Variants in SLC35F1 observed in about 807,000 individuals in gnomAD.
SLC35F1 encodes solute carrier family 35 member F1, also known as chromosome 6 open reading frame 169.
A neutral mutation model predicts 48.7 loss-of-function variants in SLC35F1; 14 were observed. The observed-to-expected ratio is 0.29, with a 90% CI of 0.19 to 0.45. The LOEUF (loss-of-function observed/expected upper bound fraction) is 0.45, where lower values mean the gene tolerates loss of function less well. Ranked by LOEUF, SLC35F1 falls within the 20% of genes least tolerant of loss-of-function variation. SLC35F1 has a pLI of 1.00. For synonymous variants in SLC35F1, 190 were observed against 202.2 expected, an observed-to-expected ratio of 0.94 and a Z score of 0.51; for missense variants, 404 against 500.0, an observed-to-expected ratio of 0.81 and a Z score of 1.83.
At chr6:117,987,359 TC>T (rs1299601738) in intron 1 of SLC35F1, among the ~76,000 whole-genome samples, 5 of 142,826 alleles carry the variant, frequency 3.5e-5, no homozygotes, top group Admixed American at 2.9e-4. Context: ...TTCGTCCATT[TC>T]CCCTTCCTCT....
chr6:117,949,654 T>A (rs1489253207), intron 1 of SLC35F1, among the ~76,000 whole-genome samples: 1 of 152,164 alleles, frequency 6.6e-6, no homozygotes, highest in African/African-American at 2.4e-5. Context: ...CATGTAATTA[T>A]CGCCTTCAGG....
chr6:117,956,954 A>G (rs1776435719), intron 1 of SLC35F1, among the ~76,000 whole-genome samples: 1 of 152,188 alleles, frequency 6.6e-6, no homozygotes, highest in Admixed American at 6.5e-5. Context: ...ATGAATAAGG[A>G]CATCTATTTC....
At position 117,934,750 on chromosome 6, in the gene SLC35F1, T is replaced by G. The variant is rs186923261; in HGVS notation, c.173+26851T>G. On this transcript the variant is annotated intron_variant, in intron 1 of 7. Coordinates refer to ENST00000360388, the MANE Select transcript of SLC35F1 (RefSeq NM_001029858.4). ...AATGTCAAGATATGAACATTTTTAA[T>G]GTTTTACTCAACGGTAAGATACAGA... Among the ~76,000 whole-genome samples the G allele has an allele frequency of 1.6e-4, 25 of 152,354 alleles. No homozygotes were observed. The East Asian group carries it at 4.6e-3, about 28-fold the overall frequency.
chr6:118,267,227 G>A, intron 4 of SLC35F1, 73 bp downstream of exon 4: 1 of 1,564,756 alleles, frequency 6.4e-7, no homozygotes, highest in Non-Finnish European at 8.7e-7. Flanking sequence ...AATGTTCATA[G>A]TTGGGTGAAA....
chr6:117,973,616 G>A (rs1776670855), intron 1 of SLC35F1, among the ~76,000 whole-genome samples: 1 of 151,668 alleles, frequency 6.6e-6, no homozygotes, highest in Non-Finnish European at 1.5e-5. Context: ...TGTTGCCCAG[G>A]CTGGAATGCA....
chr6:117,985,618 C>CTATA (rs3046315), intron 1 of SLC35F1, among the ~76,000 whole-genome samples: 151,393 of 152,282 alleles, frequency 0.99, 75,260 homozygotes, highest in Middle Eastern at 1. Flanking sequence ...GCATAACTAT[C>CTATA]TATACACACT....
At chr6:117,935,816 A>G (rs1776156332) in intron 1 of SLC35F1, among the ~76,000 whole-genome samples, 1 of 152,214 alleles carries the variant, frequency 6.6e-6, no homozygotes, top group Non-Finnish European at 1.5e-5. Context: ...TGTGTGACTC[A>G]AATTTTTTGC....
intron 1 of SLC35F1, among the ~76,000 whole-genome samples, chr6:117,983,346 G>A (rs1286206915): frequency 1.3e-5 from 2 of 152,132 alleles, no homozygotes; most frequent in Admixed American, 1.3e-4. Flanking sequence ...GGAGGCTGAG[G>A]CTGGCGGATC....
intron 2 of SLC35F1, among the ~76,000 whole-genome samples, chr6:118,213,197 C>T (rs1002710125): frequency 1.3e-5 from 2 of 152,164 alleles, no homozygotes; most frequent in African/African-American, 4.8e-5. Flanking sequence ...ATATTAATAT[C>T]AAAGAGCTAA....
At chr6:117,986,642 A>T (rs574657226) in intron 1 of SLC35F1, among the ~76,000 whole-genome samples, 1 of 152,080 alleles carries the variant, frequency 6.6e-6, no homozygotes, top group Non-Finnish European at 1.5e-5. Flanking sequence ...GCTGACCCCA[A>T]TGCTGTGTCA....
intron 2 of SLC35F1, among the ~76,000 whole-genome samples, chr6:118,217,056 C>A (rs75413785): frequency 0.014 from 2,093 of 152,238 alleles, 55 homozygotes; most frequent in African/African-American, 0.047. Flanking sequence ...AAAAAAGTTC[C>A]CTACAGCTTC....
chr6:117,923,718 C>CATGTGT (rs1775962692), intron 1 of SLC35F1, among the ~76,000 whole-genome samples: 6 of 7,394 alleles, frequency 8.1e-4, no homozygotes, highest in Admixed American at 1.9e-3. Flanking sequence ...TACATATATA[C>CATGTGT]ATATATACAT....
intron 1 of SLC35F1, among the ~76,000 whole-genome samples, chr6:118,106,553 G>T (rs1773330086): frequency 6.6e-6 from 1 of 152,140 alleles, no homozygotes; most frequent in Non-Finnish European, 1.5e-5. Flanking sequence ...TCTCTCACGT[G>T]TACTACAAGG....
chr6:117,967,272 A>G (rs553709625), intron 1 of SLC35F1, among the ~76,000 whole-genome samples: 1 of 152,352 alleles, frequency 6.6e-6, no homozygotes, highest in East Asian at 1.9e-4. Context: ...TAGAAAATAC[A>G]GGAAAAAAAT....
At chr6:118,203,511 C>T (rs985267696) in intron 2 of SLC35F1, among the ~76,000 whole-genome samples, 1 of 152,224 alleles carries the variant, frequency 6.6e-6, no homozygotes, top group Non-Finnish European at 1.5e-5. Flanking sequence ...CCTTCAAAAT[C>T]CCACAGTGCT....
At chr6:118,212,417 C>T (rs1211685402) in intron 2 of SLC35F1, among the ~76,000 whole-genome samples, 1 of 152,106 alleles carries the variant, frequency 6.6e-6, no homozygotes, top group African/African-American at 2.4e-5. Context: ...TAGCTGGGCG[C>T]AGTGGCTCAC....
rs578024040 is a variant in SLC35F1, at chr6:118,239,809, CT to C, written c.477+4174del. 4.3e-4 allele frequency among the ~76,000 whole-genome samples: 66 copies of C among 152,240 alleles called. 3 individuals are homozygous for C. In the South Asian group the frequency reaches 0.013, roughly 29 times the overall value. On this transcript the variant is annotated intron_variant, in intron 3 of 7. Coordinates refer to ENST00000360388, the MANE Select transcript of SLC35F1 (RefSeq NM_001029858.4). Reference sequence around the variant, plus strand: ...ATCAATTAGTCCTCACTGTAATTTACTGAGCAAGGAACAGGGAAGTAAAAAG... The same window carrying C: ...ATCAATTAGTCCTCACTGTAATTTACGAGCAAGGAACAGGGAAGTAAAAAG...
At chr6:118,060,934 A>G (rs1193638328) in intron 1 of SLC35F1, among the ~76,000 whole-genome samples, 1 of 152,232 alleles carries the variant, frequency 6.6e-6, no homozygotes, top group South Asian at 2.1e-4. Flanking sequence ...GCCCAAGCTC[A>G]GGCACCATAG....
chr6:118,275,828 T>C (rs1775912346), intron 5 of SLC35F1, among the ~76,000 whole-genome samples: 1 of 152,278 alleles, frequency 6.6e-6, no homozygotes, highest in South Asian at 2.1e-4. Context: ...ACACTTAATG[T>C]TTATAAAACA....
Sources: allele counts gnomAD v4.1 joint callset (sites outside exome capture counted in the v4.1 genomes callset), GRCh38; gene constraint gnomAD v4.1.1; transcripts MANE v1.5; gene names NCBI Gene and HGNC (gene_info 2026-07-23, HGNC 2026-07-21).